The following MGAT4D variants were observed in gnomAD, a reference collection of about 807,000 sequenced individuals.
The protein encoded by MGAT4D is alpha-1,3-mannosyl-glycoprotein 4-beta-N-acetylglucosaminyltransferase-like protein MGAT4D.
A neutral mutation model predicts 15.9 loss-of-function variants in MGAT4D; 34 were observed. The observed-to-expected ratio is 2.14, with a 90% CI of 1.62 to 2.84. The LOEUF (loss-of-function observed/expected upper bound fraction) is 2.84, where lower values mean the gene tolerates loss of function less well. Among genes scored for constraint, MGAT4D ranks in the 30% most tolerant of loss-of-function variants. MGAT4D has a pLI of 0.00. For missense variants in MGAT4D, 327 were observed against 140.2 expected, an observed-to-expected ratio of 2.33 and a Z score of -6.73; for synonymous variants, 112 against 48.2, an observed-to-expected ratio of 2.33 and a Z score of -5.49.
At chr4:140,445,039 G>A (rs538497818) in intron 10 of MGAT4D, among the ~76,000 whole-genome samples, 17 of 139,566 alleles carry the variant, frequency 1.2e-4, no homozygotes, top group Admixed American at 1.0e-3. Flanking sequence ...GTGCCACCAC[G>A]CCCAGCTAAT....
rs532811198 is a variant in MGAT4D at position 140,453,672 on chromosome 4, G to A, written c.1009-2155C>T. ...CCCCATGCTGTTCTCATGAAAGTGA[G>A]TGAGTTCTCATGAGATCTAATGGTT... On this transcript the variant is annotated intron_variant, in intron 9 of 10. Transcript: ENST00000511113. Among the ~76,000 whole-genome samples, 320 of 152,020 alleles carry A rather than the reference G, an allele frequency of 2.1e-3. 2 individuals are homozygous for A. Among genetic ancestry groups the A allele is most frequent in the African/African-American group, 6.8e-3 (281 of 41,494 alleles).
chr4:140,484,951 T>A (rs2126841546), intron 1 of MGAT4D, among the ~76,000 whole-genome samples: 1 of 152,278 alleles, frequency 6.6e-6, no homozygotes, highest in African/African-American at 2.4e-5. Context: ...ACACTGTTGG[T>A]GGGACTGTAA....
chr4:140,481,125 T>A (rs956524706), intron 2 of MGAT4D, among the ~76,000 whole-genome samples: 1 of 151,732 alleles, frequency 6.6e-6, no homozygotes, highest in African/African-American at 2.4e-5. Flanking sequence ...CTGGGCAACA[T>A]AGAGAGACCC....
chr4:140,444,886 CCTT>C (rs1730011330), intron 10 of MGAT4D, among the ~76,000 whole-genome samples: 2 of 31,902 alleles, frequency 6.3e-5, no homozygotes, highest in African/African-American at 1.2e-4. Flanking sequence ...TTATTTTTTG[CCTT>C]TTTTTTTTTG....
chr4:140,485,138 C>T (rs1400915930), intron 1 of MGAT4D, among the ~76,000 whole-genome samples: 2 of 152,180 alleles, frequency 1.3e-5, no homozygotes, highest in African/African-American at 4.8e-5. Context: ...ATAGCAAAGA[C>T]TTGGAACCAA....
intron 1 of MGAT4D, among the ~76,000 whole-genome samples, chr4:140,490,916 A>C (rs753301618): frequency 1.1e-4 from 17 of 152,180 alleles, no homozygotes; most frequent in Non-Finnish European, 2.1e-4. Context: ...GGGACACTTA[A>C]TGCAATTAGT....
intron 10 of MGAT4D, among the ~76,000 whole-genome samples, chr4:140,446,137 G>T (rs1195456641): frequency 6.6e-6 from 1 of 151,820 alleles, no homozygotes; most frequent in African/African-American, 2.4e-5. Flanking sequence ...TTTTGTTGTT[G>T]TTGTGTCTCT....
intron 5 of MGAT4D, among the ~76,000 whole-genome samples, chr4:140,465,631 AT>A (rs1731483755): frequency 6.6e-6 from 1 of 152,236 alleles, no homozygotes; most frequent in Non-Finnish European, 1.5e-5. Context: ...AAAATTTTAA[AT>A]GGTCTTCCTT....
chr4:140,464,394 C>T (rs1321863219), intron 6 of MGAT4D, among the ~76,000 whole-genome samples: 1 of 152,084 alleles, frequency 6.6e-6, no homozygotes, highest in African/African-American at 2.4e-5. Flanking sequence ...CATAATGACT[C>T]TTCCAATTAT....
At chr4:140,474,665 G>GTCTGGT (rs1387544198) in intron 4 of MGAT4D, 148 bp downstream of exon 4, 1 of 422,126 alleles carries the variant, frequency 2.4e-6, no homozygotes, top group Admixed American at 4.3e-5. Context: ...TAAGTATGTT[G>GTCTGGT]TCTGGTATCC....
At chr4:140,466,083 G>T (rs765438546) in intron 5 of MGAT4D, among the ~76,000 whole-genome samples, 2 of 152,032 alleles carry the variant, frequency 1.3e-5, no homozygotes, top group Admixed American at 1.3e-4. Context: ...GTCTTGCCTC[G>T]CCTCCCAGTG....
At chr4:140,444,400 T>C (rs1729953826) in intron 10 of MGAT4D, among the ~76,000 whole-genome samples, 1 of 152,158 alleles carries the variant, frequency 6.6e-6, no homozygotes, top group Non-Finnish European at 1.5e-5. Context: ...AGCCCCAGTA[T>C]CTGTCATTCA....
At chr4:140,494,256 A>G (rs1037161868) in intron 1 of MGAT4D, among the ~76,000 whole-genome samples, 3 of 152,220 alleles carry the variant, frequency 2.0e-5, no homozygotes, top group Non-Finnish European at 4.4e-5. Flanking sequence ...CTGGCGATCA[A>G]GGGCCTGCTG....
At chr4:140,470,617 T>C (rs2126774698) in intron 5 of MGAT4D, among the ~76,000 whole-genome samples, 1 of 152,296 alleles carries the variant, frequency 6.6e-6, no homozygotes, top group African/African-American at 2.4e-5. Flanking sequence ...ATTTCCAAAA[T>C]AGACTTACAT....
intron 2 of MGAT4D, among the ~76,000 whole-genome samples, chr4:140,481,553 C>T (rs1249407209): frequency 6.6e-6 from 1 of 152,160 alleles, no homozygotes; most frequent in African/African-American, 2.4e-5. Context: ...AACCTGAAAA[C>T]AACCCAAATG....
chr4:140,443,993 C>T (rs2126650728), intron 10 of MGAT4D, among the ~76,000 whole-genome samples: 1 of 152,134 alleles, frequency 6.6e-6, no homozygotes, highest in East Asian at 1.9e-4. Context: ...GAAAAAACCC[C>T]ACACAAAACC....
chr4:140,473,121 ATT>A (rs1210504148), intron 4 of MGAT4D, among the ~76,000 whole-genome samples: 1 of 151,574 alleles, frequency 6.6e-6, no homozygotes, highest in Non-Finnish European at 1.5e-5. Flanking sequence ...CATATATTTC[ATT>A]TGTTTCTATA....
intron 10 of MGAT4D, among the ~76,000 whole-genome samples, chr4:140,447,176 T>C (rs1005303830): frequency 1.3e-5 from 2 of 152,134 alleles, no homozygotes; most frequent in African/African-American, 4.8e-5. Flanking sequence ...GAGAAGAATG[T>C]ATATCTTGTT....
intron 4 of MGAT4D, among the ~76,000 whole-genome samples, chr4:140,473,521 T>C (rs989758294): frequency 6.6e-6 from 1 of 152,188 alleles, no homozygotes; most frequent in African/African-American, 2.4e-5. Context: ...ATAGGCAATA[T>C]GATTATCACA....
Sources: gnomAD v4.1 joint callset for allele counts (sites outside exome capture counted in the v4.1 genomes callset) on GRCh38, gnomAD v4.1.1 for gene constraint, MANE v1.5 for transcripts, NCBI Gene and HGNC (gene_info 2026-07-23, HGNC 2026-07-21) for gene names.